Variants in XYLT1 observed in about 807,000 individuals in gnomAD.
XYLT1 encodes xylosyltransferase 1, also known as beta-D-xylosyltransferase 1.
Under a neutral mutation model 91.3 loss-of-function variants are expected in XYLT1, and 36 were observed. That is an observed-to-expected ratio of 0.39 (90% CI 0.30 to 0.52). The LOEUF is 0.52. XYLT1 is among the 20% of genes least tolerant of loss of function. The probability of loss-of-function intolerance (pLI) is 0.68; values close to 1 mark genes in which losing one functional copy is unlikely to be tolerated. For synonymous variants in XYLT1, 588 were observed against 532.0 expected (o/e 1.11, Z -1.45); for missense variants, 1,242 against 1,284.5 (o/e 0.97, Z 0.51).
intron 2 of XYLT1, among the ~76,000 whole-genome samples, chr16:17,287,647 G>A (rs1048693203): frequency 6.6e-6 from 1 of 152,200 alleles, no homozygotes; most frequent in Non-Finnish European, 1.5e-5. Context: ...CCTGGACTCC[G>A]TTCAGATGTC....
Position 17,147,892 on chromosome 16 carries a change from GGCGTGAA to G in XYLT1, c.1371-6530_1371-6524del, listed in dbSNP as rs2031176631. On this transcript the variant is annotated intron_variant, in intron 6 of 11. Transcript: ENST00000261381. Reference sequence around the variant, plus strand: ...AGGGGCGCATGGCTCTCTCACCTGAGGCGTGAAGCACAGATCTGTAGCAATAAGCCCC... The same window carrying G: ...AGGGGCGCATGGCTCTCTCACCTGAGGCACAGATCTGTAGCAATAAGCCCC... 2.6e-5 allele frequency among the ~76,000 whole-genome samples: 4 copies of G among 152,288 alleles called. No individual in the cohort carries two copies. In the East Asian group the frequency reaches 7.7e-4, roughly 29 times the overall value.
Position 17,167,656 on chromosome 16 carries a change from T to A in XYLT1, c.1290-8747A>T, listed in dbSNP as rs529940030. On this transcript the variant is annotated intron_variant, in intron 5 of 11. Coordinates refer to ENST00000261381, the MANE Select transcript of XYLT1 (RefSeq NM_022166.4). ...GAATGGATTCTAACCCATCCTTCCA[T>A]CTCGTGAATGGATTCTAACCCATCC... Among the ~76,000 whole-genome samples, 15 of 150,890 alleles carry A rather than the reference T, an allele frequency of 9.9e-5. No individual in the cohort carries two copies. The South Asian group carries it at 2.8e-3, about 28-fold the overall frequency.
Position 17,103,584 on chromosome 16 carries a change from G to A in XYLT1, c.*5111C>T, listed in dbSNP as rs1259609253. On this transcript the variant is annotated 3_prime_UTR_variant, in exon 12 of 12. Coordinates refer to ENST00000261381, the MANE Select transcript of XYLT1 (RefSeq NM_022166.4). ...TAATGTTAAGGCCACATTTCAAAAA[G>A]GAGAAACCTAAGGCTTTTGTTTTGT... 1 of 152,168 alleles carries A rather than the reference G, an allele frequency of 6.6e-6. No homozygotes were observed. Among genetic ancestry groups the A allele is most frequent in the Non-Finnish European group, 1.5e-5 (1 of 68,072 alleles). 9.4% of individuals were successfully genotyped at this position (152,168 alleles called of 1,614,324 possible).
chr16:17,381,923 C>A (rs1029462403), intron 1 of XYLT1, among the ~76,000 whole-genome samples: 1 of 151,434 alleles, frequency 6.6e-6, no homozygotes, highest in Admixed American at 6.7e-5. Flanking sequence ...TCAACTTTAT[C>A]TCAGTTAATC....
intron 1 of XYLT1, among the ~76,000 whole-genome samples, chr16:17,403,663 G>A (rs1228154360): frequency 2.0e-5 from 3 of 152,176 alleles, no homozygotes; most frequent in Admixed American, 6.5e-5. Context: ...CCCACAACAC[G>A]TGGGGGAATC....
intron 2 of XYLT1, among the ~76,000 whole-genome samples, chr16:17,311,546 C>T (rs948563009): frequency 7.2e-5 from 11 of 152,164 alleles, no homozygotes; most frequent in African/African-American, 2.7e-4. Flanking sequence ...CCCTACTGCT[C>T]AGACCCAGGC....
At chr16:17,147,034 T>C (rs2031151294) in intron 6 of XYLT1, among the ~76,000 whole-genome samples, 2 of 152,144 alleles carry the variant, frequency 1.3e-5, no homozygotes, top group African/African-American at 4.8e-5. Context: ...TAGGTCTGGG[T>C]TGTGAAGTTA....
In XYLT1 at chr16:17,356,966, G is replaced by C. The variant is rs192978476; in HGVS notation, c.402+1046C>G. ...CCAAGGTGAGCGGATCACAAGGTCA[G>C]GAGATCAAGACCATCCTGGCTAACA... On this transcript the variant is annotated intron_variant, in intron 2 of 11. Coordinates refer to ENST00000261381, the MANE Select transcript of XYLT1 (RefSeq NM_022166.4). Among the ~76,000 whole-genome samples the C allele has an allele frequency of 6.5e-4, 99 of 151,978 alleles. 1 individual carries two copies. Among genetic ancestry groups the C allele is most frequent in the African/African-American group, 2.3e-3 (96 of 41,460 alleles).
chr16:17,137,099 G>A lies in XYLT1; in HGVS notation c.1764+1256C>T, dbSNP rs2030757652. On this transcript the variant is annotated intron_variant, in intron 8 of 11. Coordinates refer to ENST00000261381, the MANE Select transcript of XYLT1 (RefSeq NM_022166.4). ...AGCCCCCTGTCTGCCAGCTTAAGGT[G>A]GCTGGAGCTGCTGTGTGGGAACCTT... Among the ~76,000 whole-genome samples the A allele has an allele frequency of 3.3e-5, 5 of 152,206 alleles. No individual in the cohort carries two copies. The South Asian group carries it at 1.0e-3, about 32-fold the overall frequency.
chr16:17,204,441 C>A (rs951412881), intron 3 of XYLT1, among the ~76,000 whole-genome samples: 1 of 151,854 alleles, frequency 6.6e-6, no homozygotes, highest in Non-Finnish European at 1.5e-5. Flanking sequence ...GAACAAAAAA[C>A]CCAGAGCTCT....
At chr16:17,163,505 C>T (rs575124791) in intron 5 of XYLT1, among the ~76,000 whole-genome samples, 64 of 152,330 alleles carry the variant, frequency 4.2e-4, no homozygotes, top group Admixed American at 2.6e-3. Context: ...TCTCTGGGCT[C>T]CCGGTGCCCA....
intron 2 of XYLT1, among the ~76,000 whole-genome samples, chr16:17,331,141 G>A (rs772499144): frequency 1.3e-5 from 2 of 152,190 alleles, no homozygotes; most frequent in Non-Finnish European, 2.9e-5. Flanking sequence ...GTGCACAGGC[G>A]AGGCCGCCTC....
At position 17,470,666 on chromosome 16, in the gene XYLT1, TC is replaced by T; in HGVS notation, c.130del (p.Glu44SerfsTer150). 5.3e-6 allele frequency: 6 copies of T among 1,135,528 alleles called. No homozygotes were observed. Among genetic ancestry groups the T allele is most frequent in the South Asian group, 3.8e-5 (2 of 52,942 alleles). 70.3% of individuals were successfully genotyped at this position (1,135,528 alleles called of 1,614,324 possible). ...GCCGACCGCTGCGCCCCCGCGGCGC[TC>T]CCCGGCCCCGGAGTCGAGGCTGCTG... is the stretch of plus-strand genomic sequence containing the variant. ...NFSSLDSGAG[E>X]RRGGAAVGGG... is the part of the protein sequence containing the mutation. On this transcript the variant is annotated frameshift_variant, in exon 1 of 12. Transcript: ENST00000261381. LOFTEE classifies it high-confidence loss of function.
intron 6 of XYLT1, among the ~76,000 whole-genome samples, chr16:17,141,751 C>T (rs535132758): frequency 1.2e-4 from 18 of 152,252 alleles, no homozygotes; most frequent in African/African-American, 4.3e-4. Flanking sequence ...GAATGCAGAC[C>T]ATGGACCCTT....
rs1350312184 is a variant in XYLT1 at position 17,125,756 on chromosome 16, A to G, written c.2223+1910T>C. Among the ~76,000 whole-genome samples, 21 of 151,964 alleles carry G rather than the reference A, an allele frequency of 1.4e-4. 1 individual carries two copies. ...CTGAGCTGTTTGTTTTTGTTTATCT[A>G]TTTGCTCACTCACTGGCTGGCTGTC... On this transcript the variant is annotated intron_variant, in intron 10 of 11. Transcript: ENST00000261381.
At chr16:17,327,519 T>C (rs80313683) in intron 2 of XYLT1, among the ~76,000 whole-genome samples, 29 of 146,688 alleles carry the variant, frequency 2.0e-4, no homozygotes, top group Non-Finnish European at 4.0e-4. Flanking sequence ...CCCACCACCA[T>C]GCCCGGCTAA....
chr16:17,260,942 G>A (rs2085545), intron 2 of XYLT1, among the ~76,000 whole-genome samples: 2 of 151,876 alleles, frequency 1.3e-5, no homozygotes, highest in African/African-American at 2.4e-5. Flanking sequence ...GGAGAAGAAG[G>A]TGCCCCTAGG....
At chr16:17,266,706 T>C (rs1177571628) in intron 2 of XYLT1, among the ~76,000 whole-genome samples, 1 of 152,220 alleles carries the variant, frequency 6.6e-6, no homozygotes, top group East Asian at 1.9e-4. Flanking sequence ...GGCTTCCTTT[T>C]GTGCCATGTG....
intron 1 of XYLT1, among the ~76,000 whole-genome samples, chr16:17,358,491 G>A (rs62030315): frequency 5.9e-5 from 9 of 152,018 alleles, no homozygotes; most frequent in African/African-American, 7.2e-5. Context: ...GCCACCCCAC[G>A]GGGAGGGCAG....
Sources: gnomAD v4.1 joint callset for allele counts (sites outside exome capture counted in the v4.1 genomes callset) on GRCh38, gnomAD v4.1.1 for gene constraint, MANE v1.5 for transcripts, NCBI Gene and HGNC (gene_info 2026-07-23, HGNC 2026-07-21) for gene names.